Variants in GRM7 observed in about 807,000 individuals in gnomAD.
The protein encoded by GRM7 is glutamate metabotropic receptor 7.
In GRM7, 35 loss-of-function variants were observed where a neutral mutation model predicts 84.5. That is an observed-to-expected ratio of 0.41 (90% CI 0.32 to 0.55). The LOEUF is 0.55. GRM7 is among the 20% of genes least tolerant of loss of function. The pLI is 0.19. For synonymous variants in GRM7, 487 were observed against 455.1 expected (o/e 1.07, Z -0.89); for missense variants, 1,003 against 1,194.6 (o/e 0.84, Z 2.36).
intron 9 of GRM7, among the ~76,000 whole-genome samples, chr3:7,712,476 C>G (rs1701615527): frequency 6.6e-6 from 1 of 152,146 alleles, no homozygotes; most frequent in Non-Finnish European, 1.5e-5. Context: ...GGATCCTTCC[C>G]TCTCCTCCCA....
At chr3:7,601,218 T>C (rs566991683) in intron 8 of GRM7, among the ~76,000 whole-genome samples, 1 of 152,286 alleles carries the variant, frequency 6.6e-6, no homozygotes, top group Admixed American at 6.5e-5. Flanking sequence ...AGCATTTTGA[T>C]TACTGTCATT....
chr3:7,702,417 G>T (rs555780900), intron 9 of GRM7, among the ~76,000 whole-genome samples: 2 of 152,118 alleles, frequency 1.3e-5, no homozygotes, highest in African/African-American at 4.8e-5. Context: ...TACAACCTTT[G>T]CCATGCATGC....
rs141196049 is a variant in GRM7 at position 7,612,287 on chromosome 3, T to A, written c.2451+32930T>A. Among the ~76,000 whole-genome samples the A allele has an allele frequency of 1.2e-3, 188 of 152,268 alleles. 3 individuals are homozygous for A. In the East Asian group the frequency reaches 0.027, roughly 22 times the overall value. On this transcript the variant is annotated intron_variant, in intron 8 of 9. Coordinates refer to ENST00000357716, the MANE Select transcript of GRM7 (RefSeq NM_000844.4). Reference sequence around the variant, plus strand: ...ATCTATAAGATAGGTGTGGCAACAATAGTAACTACTTCCTGGAGTTTATGT... The same window carrying A: ...ATCTATAAGATAGGTGTGGCAACAAAAGTAACTACTTCCTGGAGTTTATGT...
intron 2 of GRM7, among the ~76,000 whole-genome samples, chr3:7,219,312 C>T (rs1204389239): frequency 6.6e-6 from 1 of 152,110 alleles, no homozygotes; most frequent in Admixed American, 6.6e-5. Flanking sequence ...AGATCTGTTC[C>T]CATCAGAACA....
chr3:7,465,272 G>A (rs186092189), intron 7 of GRM7, among the ~76,000 whole-genome samples: 172 of 152,202 alleles, frequency 1.1e-3, no homozygotes, highest in African/African-American at 3.6e-3. Flanking sequence ...CTAAAAGAGC[G>A]AATGACAACC....
chr3:7,378,487 G>A (rs2125126661), intron 4 of GRM7, among the ~76,000 whole-genome samples: 1 of 152,286 alleles, frequency 6.6e-6, no homozygotes, highest in Admixed American at 6.5e-5. Flanking sequence ...TATTACAACA[G>A]TCTTGGGAGT....
intron 2 of GRM7, among the ~76,000 whole-genome samples, chr3:7,253,581 C>T (rs999584569): frequency 6.8e-6 from 1 of 146,084 alleles, no homozygotes; most frequent in Non-Finnish European, 1.5e-5. Flanking sequence ...CGTGCCACTG[C>T]ACTCCAGCCC....
At chr3:6,988,436 C>T (rs1694510680) in intron 1 of GRM7, among the ~76,000 whole-genome samples, 1 of 152,080 alleles carries the variant, frequency 6.6e-6, no homozygotes, top group Non-Finnish European at 1.5e-5. Context: ...GCTGCTCAAT[C>T]ACTAAGGGCA....
chr3:7,174,639 C>T (rs1225374799), intron 2 of GRM7, among the ~76,000 whole-genome samples: 1 of 152,188 alleles, frequency 6.6e-6, no homozygotes. Flanking sequence ...TCTTGTTCTA[C>T]AATCACCCTA....
At chr3:7,263,958 G>T (rs1698537350) in intron 2 of GRM7, among the ~76,000 whole-genome samples, 1 of 152,140 alleles carries the variant, frequency 6.6e-6, no homozygotes, top group African/African-American at 2.4e-5. Context: ...GTGCATGCAG[G>T]CAAAGTGGTA....
Position 6,937,767 on chromosome 3 carries a change from G to A in GRM7, c.519+75860G>A, listed in dbSNP as rs187176513. Reference sequence around the variant, plus strand: ...GCTGTGCTAATCTCAGAACAAGGAGGTGTAATTTCTATTATCTGTTATCAC... The same window carrying A: ...GCTGTGCTAATCTCAGAACAAGGAGATGTAATTTCTATTATCTGTTATCAC... On this transcript the variant is annotated intron_variant, in intron 1 of 9. Coordinates refer to ENST00000357716, the MANE Select transcript of GRM7 (RefSeq NM_000844.4). 2.1e-3 allele frequency among the ~76,000 whole-genome samples: 325 copies of A among 152,312 alleles called. 1 individual carries two copies. The highest frequency in any genetic ancestry group is 1.9e-3 in the Non-Finnish European group (127 of 68,026).
chr3:7,410,656 CCA>C (rs370683194), intron 4 of GRM7, among the ~76,000 whole-genome samples: 290 of 142,326 alleles, frequency 2.0e-3, no homozygotes, highest in Middle Eastern at 7.2e-3. Context: ...ACCACCACCA[CCA>C]CACACACACA....
intron 1 of GRM7, among the ~76,000 whole-genome samples, chr3:7,075,277 G>T (rs1698024373): frequency 6.6e-6 from 1 of 152,126 alleles, no homozygotes; most frequent in Admixed American, 6.6e-5. Context: ...CCCAGGGGAG[G>T]ATTTGAACAA....
At chr3:7,167,309 C>T (rs1499149) in intron 2 of GRM7, among the ~76,000 whole-genome samples, 48,056 of 152,006 alleles carry the variant, frequency 0.32, 9,408 homozygotes, top group East Asian at 0.57. Flanking sequence ...TGACACAGGG[C>T]CCTCATCAGT....
intron 4 of GRM7, among the ~76,000 whole-genome samples, chr3:7,373,804 G>A (rs1377824541): frequency 6.6e-6 from 1 of 152,142 alleles, no homozygotes; most frequent in Non-Finnish European, 1.5e-5. Flanking sequence ...GTTCTGTGAT[G>A]GTGAATAGTC....
At chr3:6,956,684 G>C (rs546407350) in intron 1 of GRM7, 1 of 454,418 alleles carries the variant, frequency 2.2e-6, no homozygotes, top group African/African-American at 2.0e-5. Flanking sequence ...TGAATCTCTC[G>C]CAACTCCAAA....
At chr3:7,176,876 T>A (rs544181236) in intron 2 of GRM7, among the ~76,000 whole-genome samples, 1 of 152,226 alleles carries the variant, frequency 6.6e-6, no homozygotes, top group Admixed American at 6.5e-5. Flanking sequence ...GCTTTATTCA[T>A]GTCATGCAAA....
chr3:7,575,871 G>T (rs1217987344), intron 7 of GRM7, among the ~76,000 whole-genome samples: 1 of 152,102 alleles, frequency 6.6e-6, no homozygotes, highest in East Asian at 1.9e-4. Flanking sequence ...AAAAAAAGCT[G>T]GGCAGCATTG....
chr3:7,419,371 C>A (rs1016135114), intron 5 of GRM7, among the ~76,000 whole-genome samples: 1 of 152,126 alleles, frequency 6.6e-6, no homozygotes, highest in African/African-American at 2.4e-5. Flanking sequence ...TGGACACACA[C>A]TGTGCATTAT....
Sources: allele counts gnomAD v4.1 joint callset (sites outside exome capture counted in the v4.1 genomes callset), GRCh38; gene constraint gnomAD v4.1.1; transcripts MANE v1.5; gene names NCBI Gene and HGNC (gene_info 2026-07-23, HGNC 2026-07-21).